The following ZNF423 variants were observed in gnomAD, a reference collection of about 807,000 sequenced individuals.
ZNF423 encodes the protein Ebf-associated zinc finger protein.
In ZNF423, 12 loss-of-function variants were observed where a neutral mutation model predicts 95.8. That is an observed-to-expected ratio of 0.13 (90% CI 0.08 to 0.20). The LOEUF is 0.20. Ranked by LOEUF, ZNF423 falls within the 10% of genes least tolerant of loss-of-function variation. The pLI is 1.00. For synonymous variants in ZNF423, 749 were observed against 711.9 expected (o/e 1.05, Z -0.83); for missense variants, 1,316 against 1,737.1 (o/e 0.76, Z 4.31).
intron 3 of ZNF423, among the ~76,000 whole-genome samples, chr16:49,641,110 C>T (rs565645316): frequency 3.9e-5 from 6 of 152,234 alleles, no homozygotes; most frequent in African/African-American, 7.2e-5. Context: ...GCACTCAGTG[C>T]TAAGTGCTTT....
intron 5 of ZNF423, among the ~76,000 whole-genome samples, chr16:49,562,734 T>A (rs12925456): frequency 0.15 from 22,950 of 152,224 alleles, 1,841 homozygotes; most frequent in Admixed American, 0.18. Flanking sequence ...GAAGAATTTG[T>A]CCAAATAGCC....
At chr16:49,624,265 A>C (rs1330576189) in intron 5 of ZNF423, among the ~76,000 whole-genome samples, 1 of 152,162 alleles carries the variant, frequency 6.6e-6, no homozygotes, top group African/African-American at 2.4e-5. Flanking sequence ...AGATATGTAC[A>C]TGGGGCCAGG....
chr16:49,816,779 G>C (rs2034862440), intron 1 of ZNF423, among the ~76,000 whole-genome samples: 1 of 151,860 alleles, frequency 6.6e-6, no homozygotes, highest in Admixed American at 6.6e-5. Flanking sequence ...GCGAGACCCT[G>C]TCTCAAAAAA....
intron 3 of ZNF423, among the ~76,000 whole-genome samples, chr16:49,692,152 T>C (rs79490860): frequency 0.035 from 5,351 of 152,114 alleles, 149 homozygotes; most frequent in East Asian, 0.07. Context: ...GGCATCTCAC[T>C]TTGTGTTGCT....
chr16:49,738,581 T>C (rs1295051260), intron 2 of ZNF423, among the ~76,000 whole-genome samples: 1 of 151,850 alleles, frequency 6.6e-6, no homozygotes, highest in Non-Finnish European at 1.5e-5. Context: ...CATCAGGGGA[T>C]ATAGGAGCCT....
chr16:49,671,424 C>G (rs931468406), intron 3 of ZNF423, among the ~76,000 whole-genome samples: 1 of 152,232 alleles, frequency 6.6e-6, no homozygotes, highest in Admixed American at 6.5e-5. Flanking sequence ...CCCAAGCACG[C>G]GTCCACCCGC....
chr16:49,639,034 C>T (rs1567525125), intron 3 of ZNF423, among the ~76,000 whole-genome samples, 160 bp from the exon 4 acceptor site: 3 of 152,184 alleles, frequency 2.0e-5, no homozygotes, highest in African/African-American at 7.2e-5. Context: ...CAAGTGGACA[C>T]CAGGGCCTTC....
At chr16:49,716,069 G>A (rs2032697711) in intron 3 of ZNF423, among the ~76,000 whole-genome samples, 1 of 151,962 alleles carries the variant, frequency 6.6e-6, no homozygotes, top group African/African-American at 2.4e-5. Flanking sequence ...TCATCCCCAG[G>A]GCAGTGGGGG....
intron 4 of ZNF423, among the ~76,000 whole-genome samples, chr16:49,629,050 C>T (rs1278878195): frequency 6.6e-6 from 1 of 152,214 alleles, no homozygotes; most frequent in East Asian, 1.9e-4. Context: ...GGACTTCACA[C>T]TTCTTGGCCA....
At chr16:49,620,252 G>C (rs1972024187) in intron 5 of ZNF423, among the ~76,000 whole-genome samples, 1 of 147,884 alleles carries the variant, frequency 6.8e-6, no homozygotes, top group African/African-American at 2.5e-5. Context: ...TACACACACA[G>C]ACACAAAACA....
chr16:49,682,509 T>C (rs975981559), intron 3 of ZNF423, among the ~76,000 whole-genome samples: 2 of 152,180 alleles, frequency 1.3e-5, no homozygotes, highest in Non-Finnish European at 2.9e-5. Flanking sequence ...TTCACCTCCC[T>C]CTGCAGCAAC....
intron 3 of ZNF423, among the ~76,000 whole-genome samples, chr16:49,657,221 C>A (rs1054832721): frequency 3.9e-5 from 6 of 152,230 alleles, no homozygotes; most frequent in Non-Finnish European, 5.9e-5. Context: ...AATCACAGAT[C>A]CCCTGCTTCT....
chr16:49,828,391 C>T (rs902299210), intron 1 of ZNF423, among the ~76,000 whole-genome samples: 3 of 152,118 alleles, frequency 2.0e-5, no homozygotes, highest in East Asian at 1.9e-4. Context: ...TGGCTTTATG[C>T]GAGCAGTTAA....
intron 7 of ZNF423, among the ~76,000 whole-genome samples, chr16:49,508,933 G>A (rs923463072): frequency 3.9e-5 from 6 of 152,172 alleles, no homozygotes; most frequent in African/African-American, 1.4e-4. Context: ...GCACACAAAT[G>A]AGGTATTGCA....
chr16:49,621,232 G>T (rs1972068876), intron 5 of ZNF423, among the ~76,000 whole-genome samples: 1 of 152,188 alleles, frequency 6.6e-6, no homozygotes, highest in South Asian at 2.1e-4. Context: ...GCCTTCTGGG[G>T]GAGGAAGTGT....
chr16:49,708,911 C>G (rs918525588), intron 3 of ZNF423, among the ~76,000 whole-genome samples: 1 of 152,002 alleles, frequency 6.6e-6, no homozygotes, highest in Non-Finnish European at 1.5e-5. Flanking sequence ...AACTAATAAC[C>G]CCATGAATGA....
chr16:49,759,354 G>A (rs1245233907), intron 2 of ZNF423, among the ~76,000 whole-genome samples: 4 of 151,644 alleles, frequency 2.6e-5, no homozygotes, highest in Non-Finnish European at 5.9e-5. Flanking sequence ...AGCCAAGATC[G>A]AGCCACTGCA....
chr16:49,609,437 A>C (rs1971646049), intron 5 of ZNF423, among the ~76,000 whole-genome samples: 1 of 152,242 alleles, frequency 6.6e-6, no homozygotes, highest in Non-Finnish European at 1.5e-5. Flanking sequence ...TAAAGGAGGC[A>C]TCATAGAATT....
intron 2 of ZNF423, among the ~76,000 whole-genome samples, chr16:49,778,049 A>G (rs914049175): frequency 6.6e-6 from 1 of 152,242 alleles, no homozygotes; most frequent in African/African-American, 2.4e-5. Context: ...TGATGTGCTA[A>G]CTATCACGTA....
Sources: gnomAD v4.1 joint callset for allele counts (sites outside exome capture counted in the v4.1 genomes callset) on GRCh38, gnomAD v4.1.1 for gene constraint, MANE v1.5 for transcripts, NCBI Gene and HGNC (gene_info 2026-07-23, HGNC 2026-07-21) for gene names.